The following ATXN7 variants were observed in gnomAD, a reference collection of about 807,000 sequenced individuals.
ATXN7 encodes ataxin 7, also known as ataxin-7.
Under a neutral mutation model 70.5 loss-of-function variants are expected in ATXN7, and 12 were observed. That is an observed-to-expected ratio of 0.17 (90% CI 0.11 to 0.28). The LOEUF (loss-of-function observed/expected upper bound fraction) is 0.28, where lower values mean the gene tolerates loss of function less well. Ranked by LOEUF, ATXN7 falls within the 10% of genes least tolerant of loss-of-function variation. ATXN7 has a pLI of 1.00. For missense variants in ATXN7, 1,256 were observed against 1,131.7 expected (o/e 1.11, Z -1.58); for synonymous variants, 498 against 448.7 (o/e 1.11, Z -1.39).
chr3:63,904,839 A>C (rs1185199820), intron 2 of ATXN7: 1 of 152,206 alleles, frequency 6.6e-6, no homozygotes, highest in Non-Finnish European at 1.5e-5. Flanking sequence ...ACTGTTTTAC[A>C]TTCCTGCCAG....
At chr3:63,899,913 G>A (rs945598806) in intron 2 of ATXN7, among the ~76,000 whole-genome samples, 1 of 151,972 alleles carries the variant, frequency 6.6e-6, no homozygotes, top group Non-Finnish European at 1.5e-5. Context: ...CACTGCGCCC[G>A]GCCTAAAAAA....
intron 8 of ATXN7, among the ~76,000 whole-genome samples, chr3:63,986,464 G>A (rs2075580041): frequency 1.3e-5 from 2 of 152,154 alleles, no homozygotes. Flanking sequence ...TTCAAGCTGA[G>A]GAGAGGTTTA....
intron 1 of ATXN7, among the ~76,000 whole-genome samples, chr3:63,884,951 G>A (rs1458435294): frequency 4.0e-5 from 6 of 151,824 alleles, no homozygotes; most frequent in East Asian, 1.9e-4. Context: ...GAGCCACCAC[G>A]CCCAGCCCAC....
intron 5 of ATXN7, among the ~76,000 whole-genome samples, chr3:63,954,801 T>G (rs1354271606): frequency 1.4e-5 from 2 of 147,992 alleles, no homozygotes; most frequent in Non-Finnish European, 3.0e-5. Context: ...CTCTGCCTCC[T>G]GGGTTCAAGC....
intron 4 of ATXN7, among the ~76,000 whole-genome samples, chr3:63,915,195 A>G (rs1295392662): frequency 6.6e-6 from 1 of 152,226 alleles, no homozygotes; most frequent in South Asian, 2.1e-4. Flanking sequence ...TCGGCCTCCC[A>G]AAGTGCTGGG....
chr3:63,885,235 T>C (rs1703053008), intron 1 of ATXN7, among the ~76,000 whole-genome samples: 1 of 152,122 alleles, frequency 6.6e-6, no homozygotes, highest in Non-Finnish European at 1.5e-5. Context: ...GGGGTTGATA[T>C]CTAAAATATA....
At chr3:63,898,573 A>G (rs1279052041) in intron 2 of ATXN7, 76 bp downstream of exon 2, 1 of 152,206 alleles carries the variant, frequency 6.6e-6, no homozygotes, top group Non-Finnish European at 1.5e-5. Flanking sequence ...TTTGAGTTTT[A>G]CCAAAGGATG....
At chr3:63,921,892 A>G (rs1341507554) in intron 4 of ATXN7, among the ~76,000 whole-genome samples, 2 of 152,236 alleles carry the variant, frequency 1.3e-5, no homozygotes, top group African/African-American at 2.4e-5. Flanking sequence ...CCTTTAATCA[A>G]GTCATCAGCC....
chr3:63,912,879 C>T lies in ATXN7; in HGVS notation c.281C>T (p.Ser94Leu). 1 of 1,613,444 alleles carries T rather than the reference C, an allele frequency of 6.2e-7. No homozygotes were observed. Among genetic ancestry groups the T allele is most frequent in the Non-Finnish European group, 8.5e-7 (1 of 1,179,748 alleles). Residue 94 changes from serine to leucine, a missense_variant, in exon 3 of 13, where the codon TCG becomes TTG. Physicochemically the swap from Ser to Leu is moderately radical, Grantham distance 145. Transcript: ENST00000674280. ...LPSPEVMLGQ[S>L]WNLWVEASKL... ...AGTCCTGAAGTGATGCTGGGACAGTCGTGGAATCTGTGGGTTGAGGCTTCC... is the reference window on the plus strand; with the variant it reads ...AGTCCTGAAGTGATGCTGGGACAGTTGTGGAATCTGTGGGTTGAGGCTTCC...
chr3:63,941,236 G>A (rs1191064501), intron 4 of ATXN7, among the ~76,000 whole-genome samples: 1 of 152,092 alleles, frequency 6.6e-6, no homozygotes, highest in Admixed American at 6.6e-5. Context: ...GTCGTCTGGT[G>A]CAGGGGTCCC....
intron 1 of ATXN7, among the ~76,000 whole-genome samples, chr3:63,892,512 C>A (rs1370605673): frequency 6.6e-6 from 1 of 151,820 alleles, no homozygotes; most frequent in Admixed American, 6.6e-5. Context: ...CACACACACA[C>A]ACCCCAACTC....
intron 1 of ATXN7, among the ~76,000 whole-genome samples, chr3:63,865,834 GCAGTGAGCCCAGATCCCGCCACTGCACTC>G (rs1484467620): frequency 7.5e-6 from 1 of 133,842 alleles, no homozygotes; most frequent in East Asian, 2.4e-4. Flanking sequence ...GGCGGAGCTT[GCAGTGAGCCCAGATCCCGCCACTGCACTC>G]CAGCCTGGGC....
chr3:63,927,307 C>T (rs945448476), intron 4 of ATXN7, among the ~76,000 whole-genome samples: 1 of 152,120 alleles, frequency 6.6e-6, no homozygotes, highest in Non-Finnish European at 1.5e-5. Flanking sequence ...TCAACATAAA[C>T]CAAGCCATCA....
intron 1 of ATXN7, among the ~76,000 whole-genome samples, chr3:63,887,379 T>A (rs922378470): frequency 8.5e-5 from 13 of 152,184 alleles, no homozygotes; most frequent in African/African-American, 3.1e-4. Context: ...CAGAGAGATG[T>A]TTGAAGTGTA....
intron 5 of ATXN7, among the ~76,000 whole-genome samples, chr3:63,978,101 G>A (rs1228248618): frequency 6.6e-6 from 1 of 152,174 alleles, no homozygotes; most frequent in Non-Finnish European, 1.5e-5. Flanking sequence ...GTCTACTGTA[G>A]TGTCTCAACC....
chr3:63,868,419 A>G (rs1468845730), intron 1 of ATXN7, among the ~76,000 whole-genome samples: 2 of 152,240 alleles, frequency 1.3e-5, no homozygotes, highest in Non-Finnish European at 2.9e-5. Flanking sequence ...TTGGCCCGCA[A>G]GAAGGACTTA....
intron 1 of ATXN7, among the ~76,000 whole-genome samples, chr3:63,882,941 C>T (rs544294950): frequency 6.6e-6 from 1 of 152,084 alleles, no homozygotes; most frequent in Non-Finnish European, 1.5e-5. Context: ...GTGTGTTTTC[C>T]ATGCATTCTT....
chr3:63,934,764 G>A (rs910434604), intron 4 of ATXN7, among the ~76,000 whole-genome samples: 1 of 152,170 alleles, frequency 6.6e-6, no homozygotes, highest in Admixed American at 6.5e-5. Context: ...GATTTGAATT[G>A]TGTCTCCCCC....
At chr3:63,895,743 CTCTCTCTT>C (rs1209851149) in intron 1 of ATXN7, among the ~76,000 whole-genome samples, 4 of 152,040 alleles carry the variant, frequency 2.6e-5, no homozygotes, top group Non-Finnish European at 5.9e-5. Context: ...TTTTCTCTCT[CTCTCTCTT>C]TCTCTCTTTT....
Sources: allele counts gnomAD v4.1 joint callset (sites outside exome capture counted in the v4.1 genomes callset), GRCh38; gene constraint gnomAD v4.1.1; transcripts MANE v1.5; gene names NCBI Gene and HGNC (gene_info 2026-07-23, HGNC 2026-07-21).